Variants in IMMP2L observed in about 807,000 individuals in gnomAD.
The protein encoded by IMMP2L is mitochondrial inner membrane protease subunit 2.
Under a neutral mutation model 19.3 loss-of-function variants are expected in IMMP2L, and 18 were observed. That is an observed-to-expected ratio of 0.93 (90% confidence interval 0.64 to 1.38). The LOEUF (loss-of-function observed/expected upper bound fraction) is 1.38, where lower values mean the gene tolerates loss of function less well. Ranked by LOEUF, IMMP2L falls within the 40% of genes most tolerant of loss-of-function variation. IMMP2L has a pLI of 0.00. For missense variants in IMMP2L, 233 were observed against 218.2 expected (o/e 1.07, Z -0.43); for synonymous variants, 76 against 73.0 (o/e 1.04, Z -0.21).
intron 4 of IMMP2L, among the ~76,000 whole-genome samples, chr7:110,943,927 G>T (rs1816980687): frequency 6.6e-6 from 1 of 151,962 alleles, no homozygotes; most frequent in African/African-American, 2.4e-5. Context: ...TCAGCAACAT[G>T]AAAAACTAAT....
chr7:111,422,669 A>C (rs1007179441), intron 3 of IMMP2L, among the ~76,000 whole-genome samples: 6 of 151,908 alleles, frequency 3.9e-5, no homozygotes, highest in Admixed American at 3.3e-4. Context: ...GCAAACAGGA[A>C]AAATTTGACT....
intron 3 of IMMP2L, among the ~76,000 whole-genome samples, chr7:111,172,446 G>C (rs1045414306): frequency 8.6e-5 from 13 of 151,204 alleles, no homozygotes; most frequent in Admixed American, 1.3e-4. Flanking sequence ...GATCAAACAG[G>C]GTATTCAGCT....
intron 3 of IMMP2L, chr7:111,411,806 G>A (rs1563159191): frequency 4.9e-6 from 1 of 205,452 alleles, no homozygotes; most frequent in African/African-American, 2.3e-5. Flanking sequence ...GCCAATCGAT[G>A]CCACCGGTTT....
intron 3 of IMMP2L, among the ~76,000 whole-genome samples, chr7:110,989,274 T>C (rs1010229027): frequency 3.3e-5 from 5 of 151,892 alleles, no homozygotes; most frequent in Non-Finnish European, 1.5e-5. Context: ...TGGTGACTCA[T>C]GCCTATAATC....
At chr7:110,699,527 T>C (rs1410692537) in intron 5 of IMMP2L, among the ~76,000 whole-genome samples, 1 of 151,982 alleles carries the variant, frequency 6.6e-6, no homozygotes, top group African/African-American at 2.4e-5. Flanking sequence ...TTCCAGCACT[T>C]TGGGAGGCCG....
At chr7:110,722,539 T>C (rs1282254863) in intron 5 of IMMP2L, among the ~76,000 whole-genome samples, 1 of 152,152 alleles carries the variant, frequency 6.6e-6, no homozygotes, top group Non-Finnish European at 1.5e-5. Flanking sequence ...ATATGAAAAC[T>C]AAGAAATAAT....
chr7:111,497,565 C>T (rs1843710016), intron 2 of IMMP2L, among the ~76,000 whole-genome samples: 1 of 151,898 alleles, frequency 6.6e-6, no homozygotes, highest in Non-Finnish European at 1.5e-5. Flanking sequence ...AAAAAACAAA[C>T]TGCTATGATC....
intron 3 of IMMP2L, among the ~76,000 whole-genome samples, chr7:111,406,525 T>G (rs1313286206): frequency 6.6e-6 from 1 of 152,094 alleles, no homozygotes; most frequent in Non-Finnish European, 1.5e-5. Flanking sequence ...TCTTGTTATA[T>G]TCTACCTTTC....
chr7:111,205,228 G>A lies in IMMP2L; in HGVS notation c.240-241663C>T, dbSNP rs555017805. On this transcript the variant is annotated intron_variant, in intron 3 of 5. Transcript: ENST00000405709. ...ATAAGGTCACTAATCCCATTCATGA[G>A]AGCTCTAGCCTTATGACTTAATCAC... Among the ~76,000 whole-genome samples the A allele has an allele frequency of 5.3e-5, 8 of 152,268 alleles. No homozygotes were observed. In the South Asian group the frequency reaches 1.7e-3, roughly 32 times the overall value.
intron 3 of IMMP2L, chr7:111,122,266 C>T (rs1201045433): frequency 6.6e-6 from 1 of 152,162 alleles, no homozygotes; most frequent in African/African-American, 2.4e-5. Context: ...AAGATAAAGT[C>T]ACCAAACATA....
At chr7:111,243,842 G>A (rs1562964777) in intron 3 of IMMP2L, among the ~76,000 whole-genome samples, 3 of 13,578 alleles carry the variant, frequency 2.2e-4, no homozygotes, top group Admixed American at 7.7e-4. Flanking sequence ...CAAAGGATAT[G>A]AACTCATCAT....
At chr7:111,392,998 A>G in intron 3 of IMMP2L, 1 of 371,362 alleles carries the variant, frequency 2.7e-6, no homozygotes, top group South Asian at 2.0e-5. Context: ...TGGAGGCTGC[A>G]TTACATAAGC....
chr7:111,236,311 CAGTTAAGTT>C (rs529927534), intron 3 of IMMP2L, among the ~76,000 whole-genome samples: 130 of 152,150 alleles, frequency 8.5e-4, no homozygotes, highest in African/African-American at 3.1e-3. Flanking sequence ...TTTGAGAAAA[CAGTTAAGTT>C]ACTTGGGAAC....
intron 3 of IMMP2L, among the ~76,000 whole-genome samples, chr7:111,282,875 G>T (rs1420810414): frequency 6.6e-6 from 1 of 152,110 alleles, no homozygotes; most frequent in Non-Finnish European, 1.5e-5. Context: ...GAGACACCAT[G>T]GCCTGGCCAA....
chr7:110,701,204 T>C (rs1794263260), intron 5 of IMMP2L, among the ~76,000 whole-genome samples: 1 of 152,160 alleles, frequency 6.6e-6, no homozygotes, highest in Admixed American at 6.5e-5. Flanking sequence ...GTGTAGTTTT[T>C]AGAAATGAAC....
Position 110,882,935 on chromosome 7 carries a change from A to G in IMMP2L, c.408+3658T>C, listed in dbSNP as rs1809841723. On this transcript the variant is annotated intron_variant, in intron 5 of 5. Transcript: ENST00000405709. Reference sequence around the variant, plus strand: ...TTATTTCTCCTGACGCATCCCACCCATCAGGTTCCACAAGCCAATATCCAG... The same window carrying G: ...TTATTTCTCCTGACGCATCCCACCCGTCAGGTTCCACAAGCCAATATCCAG... 3.3e-5 allele frequency among the ~76,000 whole-genome samples: 5 copies of G among 152,160 alleles called. No individual in the cohort carries two copies. The South Asian group carries it at 1.0e-3, about 32-fold the overall frequency.
At chr7:111,124,929 G>GAA (rs781461228) in intron 3 of IMMP2L, 50 of 1,008,570 alleles carry the variant, frequency 5.0e-5, no homozygotes, top group South Asian at 2.8e-4. Flanking sequence ...CTCCAAAAAT[G>GAA]AACAAAAAAA....
chr7:111,547,835 C>T (rs1224430631), intron 1 of IMMP2L, among the ~76,000 whole-genome samples: 1 of 152,002 alleles, frequency 6.6e-6, no homozygotes, highest in Non-Finnish European at 1.5e-5. Context: ...CTCCTCCCAC[C>T]TCAGCCTCCC....
At chr7:110,780,938 T>G (rs1005296234) in intron 5 of IMMP2L, among the ~76,000 whole-genome samples, 1 of 151,874 alleles carries the variant, frequency 6.6e-6, no homozygotes, top group Non-Finnish European at 1.5e-5. Context: ...GGGCTTATTA[T>G]GTACAGATGC....
Sources: allele counts gnomAD v4.1 joint callset (sites outside exome capture counted in the v4.1 genomes callset), GRCh38; gene constraint gnomAD v4.1.1; transcripts MANE v1.5; gene names NCBI Gene and HGNC (gene_info 2026-07-23, HGNC 2026-07-21).